The following FOXK1 variants were observed in gnomAD, a reference collection of about 807,000 sequenced individuals.
FOXK1 encodes the protein forkhead box protein K1.
FOXK1 carries 19 observed loss-of-function variants against 51.9 expected under a neutral mutation model. That is an observed-to-expected ratio of 0.37 (90% CI 0.26 to 0.54). The LOEUF (loss-of-function observed/expected upper bound fraction) is 0.54. Ranked by LOEUF, FOXK1 falls within the 20% of genes least tolerant of loss-of-function variation. The pLI is 0.87. For missense variants in FOXK1, 870 were observed against 1,032.7 expected (o/e 0.84, Z 2.16); for synonymous variants, 537 against 482.6 (o/e 1.11, Z -1.48).
At chr7:4,691,706 A>T (rs968853292) in intron 1 of FOXK1, among the ~76,000 whole-genome samples, 4 of 152,138 alleles carry the variant, frequency 2.6e-5, no homozygotes, top group African/African-American at 9.7e-5. Flanking sequence ...CCTTGCTGGG[A>T]AAGGGGTGAA....
chr7:4,682,446 C>T lies in FOXK1; in HGVS notation c.138C>T (p.Pro46=). The T allele has an allele frequency of 3.1e-6, 3 of 982,598 alleles. No homozygotes were observed. The highest frequency in any genetic ancestry group is 2.4e-6 in the Non-Finnish European group (2 of 829,856). The allele number at this position is 982,598 out of a possible 1,614,324, so 60.9% of individuals were successfully genotyped here. A position where few individuals can be genotyped will look rare whatever the true frequency, so the allele number is the denominator to read the frequency against. ...CACCCCCGCCGGCCCCCGCGCAGCCCCAGCCTCCGCCCGGGCCGCCGCCGC... is the reference window on the plus strand; with the variant it reads ...CACCCCCGCCGGCCCCCGCGCAGCCTCAGCCTCCGCCCGGGCCGCCGCCGC... The part of the protein sequence containing the change: ...AAAPPPAPAQ[P]QPPPGPPPPP... Residue 46 remains proline, a synonymous_variant, in exon 1 of 9, where the codon CCC becomes CCT. Transcript: ENST00000328914. This position sits in a 1 kb window ranked among gnomAD's most constrained non-coding sequence, Gnocchi z 7.6.
rs980120267 is a variant in FOXK1, at chr7:4,733,388, T to C, written c.561-7450T>C. Among the ~76,000 whole-genome samples the C allele has an allele frequency of 3.3e-5, 5 of 152,178 alleles. No homozygotes were observed. The highest frequency in any genetic ancestry group is 7.2e-5 in the African/African-American group (3 of 41,448). Reference sequence around the variant, plus strand: ...AGGCACCAGACTTTTTCTATTACGTTGCTTGTTGCTCCGTTATGCAGTGTG... The same window carrying C: ...AGGCACCAGACTTTTTCTATTACGTCGCTTGTTGCTCCGTTATGCAGTGTG... On this transcript the variant is annotated intron_variant, in intron 1 of 8. Coordinates refer to ENST00000328914, the MANE Select transcript of FOXK1 (RefSeq NM_001037165.2). This position sits in a 1 kb window ranked among gnomAD's most constrained non-coding sequence, Gnocchi z 5.0.
In FOXK1 at chr7:4,755,527, G is replaced by T. The variant is rs1256248389; in HGVS notation, c.1050+144G>T. On this transcript the variant is annotated intron_variant, in intron 4 of 8. Transcript: ENST00000328914. This position sits in a 1 kb window ranked among gnomAD's most constrained non-coding sequence, Gnocchi z 6.6. ...CTAGCATTTTGTGAGGCCGAGGCAG[G>T]AGGAGGATCAAGACCAGCCTGTGCA... 6 of 1,166,142 alleles carry T rather than the reference G, an allele frequency of 5.1e-6. No homozygotes were observed. The East Asian group carries it at 1.5e-4, about 30-fold the overall frequency. The allele number at this position is 1,166,142 out of a possible 1,614,324, so 72.2% of individuals were successfully genotyped here.
At position 4,759,495 on chromosome 7, in the gene FOXK1, C is replaced by G; in HGVS notation, c.1596C>G (p.Ala532=). The G allele has an allele frequency of 6.3e-7, 1 of 1,578,802 alleles. No homozygotes were observed. The highest frequency in any genetic ancestry group is 8.6e-7 in the Non-Finnish European group (1 of 1,168,380). The change falls in exon 7 of 9, where the codon GCC becomes GCG. Residue 532 remains alanine (A), a synonymous_variant. Coordinates refer to ENST00000328914, the MANE Select transcript of FOXK1 (RefSeq NM_001037165.2). Reference sequence around the variant, plus strand: ...TGGTCAGGGTGGTCACCACATCTGCCAACTCGGCCAACGGATACATCCTCA... The same window carrying G: ...TGGTCAGGGTGGTCACCACATCTGCGAACTCGGCCAACGGATACATCCTCA... The part of the protein sequence containing the change: ...VTMVRVVTTS[A]NSANGYILTS...
chr7:4,760,787 G>A (rs373626629), intron 7 of FOXK1, among the ~76,000 whole-genome samples: 2 of 152,152 alleles, frequency 1.3e-5, no homozygotes, highest in Admixed American at 1.3e-4. Flanking sequence ...GGAGGCGGAG[G>A]TTGCAGTGAG....
Position 4,729,812 on chromosome 7 carries a change from A to G in FOXK1, c.561-11026A>G, listed in dbSNP as rs536370772. On this transcript the variant is annotated intron_variant, in intron 1 of 8. Transcript: ENST00000328914. The surrounding 1 kb of genome is among the most constrained non-coding windows in gnomAD (Gnocchi z 6.2). ...TGAGACCAGCCTGGCCAACATGGTG[A>G]AACCCCATCTCTACTAACAATACAA... 2.0e-5 allele frequency among the ~76,000 whole-genome samples: 3 copies of G among 152,306 alleles called. No individual in the cohort carries two copies. In the East Asian group the frequency reaches 5.8e-4, roughly 29 times the overall value.
chr7:4,706,714 T>C (rs1400794673), intron 1 of FOXK1, among the ~76,000 whole-genome samples: 1 of 152,266 alleles, frequency 6.6e-6, no homozygotes, highest in Non-Finnish European at 1.5e-5. Context: ...TTCATCATCC[T>C]CGTGAAAGAC....
rs904898749 is a variant in FOXK1 at position 4,770,527 on chromosome 7, T to A, written c.*8063T>A. The A allele has an allele frequency of 1.3e-5, 2 of 152,150 alleles. No homozygotes were observed. Among genetic ancestry groups the A allele is most frequent in the African/African-American group, 4.8e-5 (2 of 41,404 alleles). The allele number at this position is 152,150 out of a possible 1,614,324, so 9.4% of individuals were successfully genotyped here. ...GCCTGGGCAACAGAGGGAGACTCTG[T>A]CTCAAAAATAATAATCAAATCAAGT... On this transcript the variant is annotated 3_prime_UTR_variant, in exon 9 of 9. Transcript: ENST00000328914.
Position 4,682,919 on chromosome 7 carries a change from C to T in FOXK1, c.560+51C>T. On this transcript the variant is annotated intron_variant, in intron 1 of 8. Transcript: ENST00000328914. The surrounding 1 kb of genome is among the most constrained non-coding windows in gnomAD (Gnocchi z 7.6). Reference sequence around the variant, plus strand: ...CCCGCACCCGGGGCTCGCCCACGACCTCGATCTCTGAGGCCCGGGCCTGGG... The same window carrying T: ...CCCGCACCCGGGGCTCGCCCACGACTTCGATCTCTGAGGCCCGGGCCTGGG... The T allele has an allele frequency of 7.1e-7, 1 of 1,406,768 alleles. No homozygotes were observed. Among genetic ancestry groups the T allele is most frequent in the Non-Finnish European group, 9.3e-7 (1 of 1,075,920 alleles). The allele number at this position is 1,406,768 out of a possible 1,614,324, so 87.1% of individuals were successfully genotyped here. A position where few individuals can be genotyped will look rare whatever the true frequency, so the allele number is the denominator to read the frequency against.
Position 4,731,349 on chromosome 7 carries a change from C to CA in FOXK1, c.561-9488dup, listed in dbSNP as rs1257371613. ...AGTACTTTATCGGGTATCCTAAAGACACGTTGCAGCCTGCAAAATTCGAAA... is the reference window on the plus strand; with the variant it reads ...AGTACTTTATCGGGTATCCTAAAGACAACGTTGCAGCCTGCAAAATTCGAAA... On this transcript the variant is annotated intron_variant, in intron 1 of 8. Coordinates refer to ENST00000328914, the MANE Select transcript of FOXK1 (RefSeq NM_001037165.2). This position sits in a 1 kb window ranked among gnomAD's most constrained non-coding sequence, Gnocchi z 5.3. Among the ~76,000 whole-genome samples the CA allele has an allele frequency of 6.6e-6, 1 of 152,248 alleles. No individual in the cohort carries two copies. Among genetic ancestry groups the CA allele is most frequent in the Non-Finnish European group, 1.5e-5 (1 of 68,052 alleles).
In FOXK1 at chr7:4,757,133, G is replaced by A. The variant is rs1780863187; in HGVS notation, c.1190G>A (p.Arg397Gln). 1.9e-6 allele frequency: 3 copies of A among 1,612,982 alleles called. No individual in the cohort carries two copies. The highest frequency in any genetic ancestry group is 2.5e-6 in the Non-Finnish European group (3 of 1,179,906). ...AKLVEQAFRK[R>Q]RQRGVSCFRT... ...CTCGTGGAACAGGCATTCCGGAAAC[G>A]GAGGCAGAGGGGTGTCTCCTGCTTC... Residue 397 changes from arginine (R) to glutamine (Q), a missense_variant, in exon 5 of 9, where the codon CGG becomes CAG. By Grantham distance (43) the Arg-to-Gln change is conservative (BLOSUM62 1). Coordinates refer to ENST00000328914, the MANE Select transcript of FOXK1 (RefSeq NM_001037165.2).
At chr7:4,692,719 G>A (rs776009542) in intron 1 of FOXK1, among the ~76,000 whole-genome samples, 27 of 151,804 alleles carry the variant, frequency 1.8e-4, no homozygotes, top group Non-Finnish European at 2.9e-4. Flanking sequence ...CGGCTGGGTA[G>A]TTTCTTTTTT....
At position 4,756,903 on chromosome 7, in the gene FOXK1, A is replaced by T. The variant is rs1193406716; in HGVS notation, c.1051-91A>T. ...CTGCACAGAGGGACGGCCTCCCCTC[A>T]CCCTGGTCCCGCATCTGCTGCAGAT... On this transcript the variant is annotated intron_variant, in intron 4 of 8. Coordinates refer to ENST00000328914, the MANE Select transcript of FOXK1 (RefSeq NM_001037165.2). The surrounding 1 kb of genome is among the most constrained non-coding windows in gnomAD (Gnocchi z 4.1). 5 of 1,423,048 alleles carry T rather than the reference A, an allele frequency of 3.5e-6. No individual in the cohort carries two copies. Among genetic ancestry groups the T allele is most frequent in the Non-Finnish European group, 4.8e-6 (5 of 1,038,710 alleles). 88.2% of individuals were successfully genotyped at this position (1,423,048 alleles called of 1,614,324 possible).
In FOXK1 at chr7:4,758,479, C is replaced by T. The variant is rs1365677254; in HGVS notation, c.1245-572C>T. On this transcript the variant is annotated intron_variant, in intron 5 of 8. Coordinates refer to ENST00000328914, the MANE Select transcript of FOXK1 (RefSeq NM_001037165.2). This position sits in a 1 kb window ranked among gnomAD's most constrained non-coding sequence, Gnocchi z 4.4. ...CGTTAACCTCTCGTGCTTCCCATTT[C>T]AAAATTCTGTTTCCAACACGATTTG... 3 of 152,478 alleles carry T rather than the reference C, an allele frequency of 2.0e-5. No homozygotes were observed. Among genetic ancestry groups the T allele is most frequent in the Non-Finnish European group, 4.4e-5 (3 of 68,246 alleles). 9.4% of individuals were successfully genotyped at this position (152,478 alleles called of 1,614,324 possible).
In FOXK1 at chr7:4,753,938, C is replaced by G. The variant is rs1780810128; in HGVS notation, c.747-521C>G. Among the ~76,000 whole-genome samples the G allele has an allele frequency of 6.6e-6, 1 of 152,170 alleles. No individual in the cohort carries two copies. Among genetic ancestry groups the G allele is most frequent in the Non-Finnish European group, 1.5e-5 (1 of 68,020 alleles). ...GGTCATCTCTTCCCGAGGGCGGTGT[C>G]TCCAGGAGAGCCACCTGCCACGCCT... is the stretch of plus-strand genomic sequence containing the variant. On this transcript the variant is annotated intron_variant, in intron 2 of 8. Transcript: ENST00000328914. The surrounding 1 kb of genome is among the most constrained non-coding windows in gnomAD (Gnocchi z 4.9).
rs1312246477 is a variant in FOXK1, at chr7:4,682,823, G to C, written c.515G>C (p.Gly172Ala). The change falls in exon 1 of 9, where the codon GGG becomes GCG. Residue 172 changes from glycine (G) to alanine (A), a missense_variant. Coordinates refer to ENST00000328914, the MANE Select transcript of FOXK1 (RefSeq NM_001037165.2). The surrounding 1 kb of genome is among the most constrained non-coding windows in gnomAD (Gnocchi z 7.6). ...CLGKNGVFVD[G>A]AFQRRGAPAL... ...GGCAAGAACGGCGTCTTCGTGGACG[G>C]GGCCTTCCAGAGACGCGGCGCGCCC... 3.2e-6 allele frequency: 5 copies of C among 1,573,018 alleles called. No homozygotes were observed. Among genetic ancestry groups the C allele is most frequent in the Non-Finnish European group, 3.4e-6 (4 of 1,165,398 alleles).
At position 4,753,127 on chromosome 7, in the gene FOXK1, G is replaced by A. The variant is rs752501759; in HGVS notation, c.747-1332G>A. ...GGAATTCCAGATCAGAGTCCTTAAC[G>A]TTCCATGTGGGTGACACTGAGTCCT... On this transcript the variant is annotated intron_variant, in intron 2 of 8. Transcript: ENST00000328914. This position sits in a 1 kb window ranked among gnomAD's most constrained non-coding sequence, Gnocchi z 4.9. Among the ~76,000 whole-genome samples the A allele has an allele frequency of 1.3e-5, 2 of 152,178 alleles. No homozygotes were observed. Among genetic ancestry groups the A allele is most frequent in the Admixed American group, 6.5e-5 (1 of 15,276 alleles).
At position 4,735,147 on chromosome 7, in the gene FOXK1, G is replaced by A. The variant is rs1239134297; in HGVS notation, c.561-5691G>A. On this transcript the variant is annotated intron_variant, in intron 1 of 8. Coordinates refer to ENST00000328914, the MANE Select transcript of FOXK1 (RefSeq NM_001037165.2). The surrounding 1 kb of genome is among the most constrained non-coding windows in gnomAD (Gnocchi z 4.7). ...CAAGTCACTCGGGCTCAGCACTGGT[G>A]GAGCGGTGGCCAGTTCCAGCTCGCT... 6.6e-6 allele frequency among the ~76,000 whole-genome samples: 1 copy of A among 152,182 alleles called. No individual in the cohort carries two copies. Among genetic ancestry groups the A allele is most frequent in the Non-Finnish European group, 1.5e-5 (1 of 68,024 alleles).
At chr7:4,760,461 A>G (rs1270928103) in intron 7 of FOXK1, among the ~76,000 whole-genome samples, 3 of 152,216 alleles carry the variant, frequency 2.0e-5, no homozygotes, top group Non-Finnish European at 4.4e-5. Flanking sequence ...TGGTGAGGGA[A>G]GGCCAAGTTA....
Sources: gnomAD v4.1 joint callset for allele counts (sites outside exome capture counted in the v4.1 genomes callset) on GRCh38, gnomAD v4.1.1 for gene constraint, Gnocchi (gnomAD v3.1) non-coding constraint, MANE v1.5 for transcripts, NCBI Gene and HGNC (gene_info 2026-07-23, HGNC 2026-07-21) for gene names.